UQCRH: variants seen among roughly 807,000 people sequenced by gnomAD.
UQCRH encodes ubiquinol-cytochrome c reductase hinge protein.
In UQCRH, 14 loss-of-function variants were observed where a neutral mutation model predicts 16.3. That is an observed-to-expected ratio of 0.86 (90% CI 0.57 to 1.34). UQCRH has a LOEUF of 1.34. Ranked by LOEUF, UQCRH falls within the 40% of genes most tolerant of loss-of-function variation. The probability of loss-of-function intolerance (pLI) is 0.00; values close to 1 mark genes in which losing one functional copy is unlikely to be tolerated. For synonymous variants in UQCRH, 41 were observed against 41.9 expected (o/e 0.98, Z 0.08); for missense variants, 89 against 111.9 (o/e 0.80, Z 0.92).
At chr1:46,309,966 T>A in intron 2 of UQCRH, 189 bp from the exon 3 acceptor site, 1 of 1,463,060 alleles carries the variant, frequency 6.8e-7, no homozygotes, top group African/African-American at 1.4e-5. Context: ...TCCCTACTAC[T>A]TAGCATCAGA....
Position 46,309,237 on chromosome 1 carries a change from G to C in UQCRH, c.81+110G>C, listed in dbSNP as rs1301374565. ...TTACTTGATACCTTGTAGATAATGG[G>C]GGTGGAATAAGCTTTGATACTTCCT... On this transcript the variant is annotated intron_variant, in intron 2 of 3. Coordinates refer to ENST00000311672, the MANE Select transcript of UQCRH (RefSeq NM_006004.4). 4 of 1,251,748 alleles carry C rather than the reference G, an allele frequency of 3.2e-6. No homozygotes were observed. The East Asian group carries it at 9.6e-5, about 30-fold the overall frequency. 77.5% of individuals were successfully genotyped at this position (1,251,748 alleles called of 1,614,324 possible). A position where few individuals can be genotyped will look rare whatever the true frequency, so the allele number is the denominator to read the frequency against.
At chr1:46,306,569 T>C (rs1661378294) in intron 1 of UQCRH, among the ~76,000 whole-genome samples, 1 of 152,016 alleles carries the variant, frequency 6.6e-6, no homozygotes, top group East Asian at 1.9e-4. Flanking sequence ...AGATGGGGTT[T>C]CACCATGTTG....
chr1:46,303,746 A>G lies in UQCRH; in HGVS notation c.-21A>G. The G allele has an allele frequency of 6.2e-7, 1 of 1,614,108 alleles. No homozygotes were observed. The highest frequency in any genetic ancestry group is 8.5e-7 in the Non-Finnish European group (1 of 1,180,006). ...GGTGCCGCTGTTGCTGCTCGTGTTGAATCTAGAACCGTAGCCAGACATGGG... is the reference window on the plus strand; with the variant it reads ...GGTGCCGCTGTTGCTGCTCGTGTTGGATCTAGAACCGTAGCCAGACATGGG... On this transcript the variant is annotated 5_prime_UTR_variant, in exon 1 of 4. Transcript: ENST00000311672.
chr1:46,306,675 A>G (rs899634417), intron 1 of UQCRH, among the ~76,000 whole-genome samples: 1 of 152,290 alleles, frequency 6.6e-6, no homozygotes. Context: ...CCCGGCTTTC[A>G]GTATGTTTTT....
chr1:46,305,884 A>C, intron 1 of UQCRH, among the ~76,000 whole-genome samples: 1 of 151,062 alleles, frequency 6.6e-6, no homozygotes. Flanking sequence ...GGCTCACTGC[A>C]ACCTCCGCTC....
In UQCRH at chr1:46,309,921, A is replaced by G. The variant is rs1485194242; in HGVS notation, c.82-234A>G. 5 of 1,426,906 alleles carry G rather than the reference A, an allele frequency of 3.5e-6. No individual in the cohort carries two copies. In the African/African-American group the frequency reaches 7.2e-5, roughly 21 times the overall value. 88.4% of individuals were successfully genotyped at this position (1,426,906 alleles called of 1,614,324 possible). ...GATAGGACTGAGGCTTTCAGTGCAT[A>G]CTGGCAACCTTGGAAGGCAGGAATG... On this transcript the variant is annotated intron_variant, in intron 2 of 3. Transcript: ENST00000311672.
chr1:46,305,417 C>G (rs1341542666), intron 1 of UQCRH, among the ~76,000 whole-genome samples: 1 of 148,092 alleles, frequency 6.8e-6, no homozygotes, highest in Non-Finnish European at 1.5e-5. Context: ...CAGTTTTAAA[C>G]TAGGGTATTC....
Position 46,316,751 on chromosome 1 carries a change from T to C in UQCRH, c.*167T>C. On this transcript the variant is annotated 3_prime_UTR_variant, in exon 4 of 4. Transcript: ENST00000311672. ...CTATGTAATTCGCAATGATTCCATC[T>C]AAATAAAAGTTCTATGATCTGCAAA... is the stretch of plus-strand genomic sequence containing the variant. 2.1e-6 allele frequency: 2 copies of C among 933,542 alleles called. No homozygotes were observed. Among genetic ancestry groups the C allele is most frequent in the Non-Finnish European group, 3.0e-6 (2 of 658,216 alleles). The allele number at this position is 933,542 out of a possible 1,614,324, so 57.8% of individuals were successfully genotyped here. A position where few individuals can be genotyped will look rare whatever the true frequency, so the allele number is the denominator to read the frequency against.
intron 1 of UQCRH, 32 bp downstream of exon 1, chr1:46,303,852 T>C (rs1168613057): frequency 1.2e-6 from 2 of 1,614,054 alleles, no homozygotes; most frequent in South Asian, 2.2e-5. Flanking sequence ...GGCCCTCTTC[T>C]CTGCCCTGAA....
At position 46,311,495 on chromosome 1, in the gene UQCRH, G is replaced by C. The variant is rs573363104; in HGVS notation, c.243+1179G>C. ...CGGGAGCCTGAGGCAGGAGAATGGCGTCAACCCAGGAGGCGGAGCTTGCAG... is the reference window on the plus strand; with the variant it reads ...CGGGAGCCTGAGGCAGGAGAATGGCCTCAACCCAGGAGGCGGAGCTTGCAG... On this transcript the variant is annotated intron_variant, in intron 3 of 3. Coordinates refer to ENST00000311672, the MANE Select transcript of UQCRH (RefSeq NM_006004.4). 1.0e-4 allele frequency among the ~76,000 whole-genome samples: 15 copies of C among 150,484 alleles called. No homozygotes were observed. In the South Asian group the frequency reaches 1.7e-3, roughly 17 times the overall value.
intron 2 of UQCRH, 69 bp from the exon 3 acceptor site, chr1:46,310,086 C>G: frequency 1.2e-6 from 2 of 1,603,168 alleles, no homozygotes; most frequent in East Asian, 2.2e-5. Context: ...TTGTGTTAAT[C>G]AAAGCATATG....
intron 3 of UQCRH, among the ~76,000 whole-genome samples, chr1:46,316,100 T>A (rs1343386636): frequency 6.6e-6 from 1 of 152,180 alleles, no homozygotes; most frequent in Non-Finnish European, 1.5e-5. Context: ...GCATTTCCCA[T>A]TATCACAGGT....
chr1:46,310,977 G>T (rs1310908591), intron 3 of UQCRH, among the ~76,000 whole-genome samples: 1 of 151,644 alleles, frequency 6.6e-6, no homozygotes, highest in Non-Finnish European at 1.5e-5. Flanking sequence ...TGAGGCAGGA[G>T]AATGGCGTGA....
intron 3 of UQCRH, among the ~76,000 whole-genome samples, chr1:46,314,566 G>A (rs1196856989): frequency 2.0e-5 from 3 of 151,778 alleles, no homozygotes; most frequent in East Asian, 1.9e-4. Flanking sequence ...CCAGCTACTC[G>A]GGAGGCTGAG....
At chr1:46,308,980 CAG>C in intron 1 of UQCRH, 119 bp from the exon 2 acceptor site, 1 of 1,224,150 alleles carries the variant, frequency 8.2e-7, no homozygotes, top group Non-Finnish European at 1.2e-6. Flanking sequence ...TCATAAAACA[CAG>C]AAAACAAAAT....
intron 3 of UQCRH, among the ~76,000 whole-genome samples, chr1:46,313,206 G>C (rs772435149): frequency 5.3e-4 from 80 of 152,172 alleles, no homozygotes; most frequent in Non-Finnish European, 8.5e-4. Flanking sequence ...GTGTCCATCA[G>C]CTAGGCTGGG....
Position 46,303,836 on chromosome 1 carries a change from C to T in UQCRH, c.54+16C>T, listed in dbSNP as rs777636750. 2 of 1,614,128 alleles carry T rather than the reference C, an allele frequency of 1.2e-6. No individual in the cohort carries two copies. Among genetic ancestry groups the T allele is most frequent in the South Asian group, 2.2e-5 (2 of 91,084 alleles). ...TCCTGAGGAGGTAAGGCAAGGCGATCCACTCGGCCCTCTTCTCTGCCCTGA... is the reference window on the plus strand; with the variant it reads ...TCCTGAGGAGGTAAGGCAAGGCGATTCACTCGGCCCTCTTCTCTGCCCTGA... On this transcript the variant is annotated intron_variant, in intron 1 of 3. Transcript: ENST00000311672.
chr1:46,308,802 G>A (rs1661417519), intron 1 of UQCRH, among the ~76,000 whole-genome samples: 2 of 152,186 alleles, frequency 1.3e-5, no homozygotes, highest in African/African-American at 4.8e-5. Context: ...GACAGAGCAA[G>A]ACTCTGTCTC....
rs542220106 is a variant in UQCRH at position 46,304,460 on chromosome 1, G to A, written c.54+640G>A. Among the ~76,000 whole-genome samples the A allele has an allele frequency of 7.3e-5, 11 of 150,600 alleles. No homozygotes were observed. In the South Asian group the frequency reaches 2.3e-3, roughly 32 times the overall value. Reference sequence around the variant, plus strand: ...GAGTGCAGTGGCGTGGTCTCGGCTCGCTGCAACCTCCGCCTCCTGGGTTCA... The same window carrying A: ...GAGTGCAGTGGCGTGGTCTCGGCTCACTGCAACCTCCGCCTCCTGGGTTCA... On this transcript the variant is annotated intron_variant, in intron 1 of 3. Coordinates refer to ENST00000311672, the MANE Select transcript of UQCRH (RefSeq NM_006004.4).
Sources: allele counts gnomAD v4.1 joint callset (sites outside exome capture counted in the v4.1 genomes callset), GRCh38; gene constraint gnomAD v4.1.1; transcripts MANE v1.5; gene names NCBI Gene and HGNC (gene_info 2026-07-23, HGNC 2026-07-21).